Variants in LRFN2 observed in about 807,000 individuals in gnomAD.
LRFN2 encodes the protein leucine-rich repeat and fibronectin type-III domain-containing protein 2.
Under a neutral mutation model 37.3 loss-of-function variants are expected in LRFN2, and 18 were observed. The ratio of observed to expected loss-of-function variants is 0.48; its 90% CI spans 0.33 to 0.72. LRFN2 has a LOEUF of 0.72. Ranked by LOEUF, LRFN2 falls within the 30% of genes least tolerant of loss-of-function variation. LRFN2 has a pLI of 0.02. For synonymous variants in LRFN2, 556 were observed against 466.6 expected, an observed-to-expected ratio of 1.19 and a Z score of -2.47; for missense variants, 1,006 against 1,060.7, an observed-to-expected ratio of 0.95 and a Z score of 0.72.
chr6:40,540,191 G>A (rs564746194), intron 1 of LRFN2, among the ~76,000 whole-genome samples: 1 of 152,280 alleles, frequency 6.6e-6, no homozygotes, highest in East Asian at 1.9e-4. Flanking sequence ...GTCCTTGTCA[G>A]GTGCGTGCGG....
chr6:40,393,028 G>A, intron 2 of LRFN2, 116 bp from the exon 3 acceptor site: 1 of 729,306 alleles, frequency 1.4e-6, no homozygotes, highest in Non-Finnish European at 2.2e-6. Flanking sequence ...AGGGGAGGGA[G>A]GCCAAGACAG....
In LRFN2 at chr6:40,432,109, C is replaced by T. The variant is rs749864785; in HGVS notation, c.1005G>A (p.Arg335=). The T allele has an allele frequency of 1.2e-6, 2 of 1,613,892 alleles. No individual in the cohort carries two copies. The highest frequency in any genetic ancestry group is 1.7e-5 in the Admixed American group (1 of 60,018). ...GGGTGCCATTGTCATAGACAGCGGT[C>T]CTTGAGGAGTTCCCTACCAGGCGGT... ...PDDRLVGNSS[R]TAVYDNGTLD... is the part of the protein sequence containing the mutation. The change falls in exon 2 of 3, where the codon AGG becomes AGA. Residue 335 remains arginine, a synonymous_variant. Transcript: ENST00000338305.
At chr6:40,441,008 C>A (rs917767489) in intron 1 of LRFN2, among the ~76,000 whole-genome samples, 4 of 152,080 alleles carry the variant, frequency 2.6e-5, no homozygotes, top group Non-Finnish European at 5.9e-5. Context: ...GAGACTGGGC[C>A]GCTGTAGAAA....
In LRFN2 at chr6:40,453,212, A is replaced by G. The variant is rs1764154210; in HGVS notation, c.-18-20081T>C. ...TGTCACTCTAGAAATGTCATTGATT[A>G]TGTCAATACGGTTGGAAGGAAAAAG... On this transcript the variant is annotated intron_variant, in intron 1 of 2. Transcript: ENST00000338305. 2.0e-5 allele frequency among the ~76,000 whole-genome samples: 3 copies of G among 152,150 alleles called. No individual in the cohort carries two copies. The South Asian group carries it at 6.2e-4, about 32-fold the overall frequency.
At chr6:40,537,263 T>G (rs1766466307) in intron 1 of LRFN2, among the ~76,000 whole-genome samples, 1 of 152,302 alleles carries the variant, frequency 6.6e-6, no homozygotes, top group African/African-American at 2.4e-5. Flanking sequence ...ACCCCAATAC[T>G]GGGAATAGTT....
intron 1 of LRFN2, among the ~76,000 whole-genome samples, chr6:40,488,037 C>T (rs951005731): frequency 7.2e-5 from 11 of 152,124 alleles, no homozygotes; most frequent in Middle Eastern, 3.4e-3. Context: ...TCCCTAGCCA[C>T]GGGTCGAAAA....
In LRFN2 at chr6:40,394,528, C is replaced by T. The variant is rs973742484; in HGVS notation, c.1401-1616G>A. On this transcript the variant is annotated intron_variant, in intron 2 of 2. Transcript: ENST00000338305. ...TCCATGCACAGAGGACTGGAACTGA[C>T]AGACAGATATTGACATCCCGTCAGT... is the stretch of plus-strand genomic sequence containing the variant. Among the ~76,000 whole-genome samples, 49 of 152,204 alleles carry T rather than the reference C, an allele frequency of 3.2e-4. 1 individual carries two copies. Among genetic ancestry groups the T allele is most frequent in the Non-Finnish European group, 1.5e-5 (1 of 68,034 alleles).
intron 1 of LRFN2, among the ~76,000 whole-genome samples, chr6:40,583,074 C>A (rs1176728082): frequency 6.6e-6 from 1 of 152,114 alleles, no homozygotes; most frequent in Admixed American, 6.5e-5. Flanking sequence ...GACAATGCAT[C>A]CTCAGTGGGG....
At chr6:40,497,328 C>A (rs1387752416) in intron 1 of LRFN2, among the ~76,000 whole-genome samples, 1 of 152,132 alleles carries the variant, frequency 6.6e-6, no homozygotes, top group African/African-American at 2.4e-5. Flanking sequence ...CTTAGTCAAC[C>A]AGGCCCAACC....
intron 1 of LRFN2, among the ~76,000 whole-genome samples, chr6:40,584,916 G>A (rs993576815): frequency 3.3e-5 from 5 of 151,880 alleles, no homozygotes; most frequent in African/African-American, 7.3e-5. Context: ...TGGTTTCCCC[G>A]GTGGCCCCAC....
chr6:40,428,133 A>T (rs998136183), intron 2 of LRFN2, among the ~76,000 whole-genome samples: 1 of 152,240 alleles, frequency 6.6e-6, no homozygotes, highest in African/African-American at 2.4e-5. Context: ...GACCCTTAGA[A>T]TAGTGACCAG....
chr6:40,442,640 G>T (rs1464268330), intron 1 of LRFN2, among the ~76,000 whole-genome samples: 2 of 152,164 alleles, frequency 1.3e-5, no homozygotes, highest in Non-Finnish European at 2.9e-5. Flanking sequence ...CTGAGGATGG[G>T]ACTCTGTTTC....
intron 1 of LRFN2, among the ~76,000 whole-genome samples, chr6:40,540,479 G>A (rs931659820): frequency 1.3e-5 from 2 of 152,098 alleles, no homozygotes; most frequent in African/African-American, 2.4e-5. Context: ...ACAGGGGCGG[G>A]GAGCACTGTC....
intron 1 of LRFN2, among the ~76,000 whole-genome samples, chr6:40,445,133 C>A (rs749164148): frequency 7.9e-5 from 12 of 152,202 alleles, no homozygotes; most frequent in Admixed American, 2.6e-4. Context: ...GGGACATCTT[C>A]CCTCTTCTCA....
chr6:40,547,737 G>A (rs1361243176), intron 1 of LRFN2, among the ~76,000 whole-genome samples: 2 of 152,046 alleles, frequency 1.3e-5, no homozygotes, highest in Admixed American at 1.3e-4. Flanking sequence ...CACGAGTCTG[G>A]CCCGCAAGCA....
chr6:40,569,672 G>A (rs752813744), intron 1 of LRFN2, among the ~76,000 whole-genome samples: 16 of 152,122 alleles, frequency 1.1e-4, no homozygotes, highest in Non-Finnish European at 2.2e-4. Context: ...GCCTGGCTCC[G>A]CACTGCTCTC....
chr6:40,562,831 TCACTCACACA>T lies in LRFN2; in HGVS notation c.-19+24100_-19+24109del, dbSNP rs1212658845. ...TGTGAGCGTGCTTATGTGCGTGCAC[TCACTCACACA>T]CACACACACACACACACACACACAC... On this transcript the variant is annotated intron_variant, in intron 1 of 2. Coordinates refer to ENST00000338305, the MANE Select transcript of LRFN2 (RefSeq NM_020737.3). Among the ~76,000 whole-genome samples the T allele has an allele frequency of 2.4e-3, 353 of 144,146 alleles. 3 individuals carry two copies. Among genetic ancestry groups the T allele is most frequent in the African/African-American group, 7.7e-3 (291 of 37,642 alleles). 94.6% of individuals were successfully genotyped at this position (144,146 alleles called of 152,430 possible). A position where few individuals can be genotyped will look rare whatever the true frequency, so the allele number is the denominator to read the frequency against.
intron 1 of LRFN2, among the ~76,000 whole-genome samples, chr6:40,434,772 C>A (rs1763604745): frequency 6.6e-6 from 1 of 151,634 alleles, no homozygotes; most frequent in Non-Finnish European, 1.5e-5. Context: ...GCCACCGTGC[C>A]CAGCCCCTCA....
intron 2 of LRFN2, among the ~76,000 whole-genome samples, chr6:40,396,329 C>T (rs1349209093): frequency 3.3e-5 from 5 of 152,178 alleles, no homozygotes; most frequent in East Asian, 1.9e-4. Flanking sequence ...CCAGGGCCTC[C>T]GCACCTGACC....
Sources: gnomAD v4.1 joint callset for allele counts (sites outside exome capture counted in the v4.1 genomes callset) on GRCh38, gnomAD v4.1.1 for gene constraint, MANE v1.5 for transcripts, NCBI Gene and HGNC (gene_info 2026-07-23, HGNC 2026-07-21) for gene names.